Variants in FBXO40 observed in about 807,000 individuals in gnomAD.
FBXO40 encodes F-box only protein 40.
In FBXO40, 50 loss-of-function variants were observed where a neutral mutation model predicts 49.9. The observed-to-expected ratio is 1.00, with a 90% CI of 0.80 to 1.27. The LOEUF (loss-of-function observed/expected upper bound fraction) is 1.27. Ranked by LOEUF, FBXO40 falls within the 50% of genes most tolerant of loss-of-function variation. The pLI is 0.00. For missense variants in FBXO40, 895 were observed against 870.1 expected, an observed-to-expected ratio of 1.03 and a Z score of -0.36; for synonymous variants, 340 against 320.2, an observed-to-expected ratio of 1.06 and a Z score of -0.66.
At chr3:121,616,048 G>T (rs1485323129) in intron 1 of FBXO40, among the ~76,000 whole-genome samples, 1 of 152,092 alleles carries the variant, frequency 6.6e-6, no homozygotes, top group African/African-American at 2.4e-5. Flanking sequence ...TTTGGGGGTC[G>T]ATACAAACAT....
chr3:121,598,833 C>T (rs1447795839), intron 1 of FBXO40, among the ~76,000 whole-genome samples: 3 of 152,170 alleles, frequency 2.0e-5, no homozygotes, highest in African/African-American at 2.4e-5. Context: ...CACCTTTCTG[C>T]GTGGTCCACA....
chr3:121,610,117 G>C (rs1210761708), intron 1 of FBXO40, among the ~76,000 whole-genome samples: 1 of 152,176 alleles, frequency 6.6e-6, no homozygotes, highest in Non-Finnish European at 1.5e-5. Flanking sequence ...TTTACACCCA[G>C]GACACAGTGG....
chr3:121,627,219 G>T lies in FBXO40; in HGVS notation c.*309G>T. 2.9e-6 allele frequency: 1 copy of T among 347,392 alleles called. No individual in the cohort carries two copies. 21.5% of individuals were successfully genotyped at this position (347,392 alleles called of 1,614,324 possible). On this transcript the variant is annotated 3_prime_UTR_variant, in exon 4 of 4. Coordinates refer to ENST00000338040, the MANE Select transcript of FBXO40 (RefSeq NM_016298.4). ...GTAATTTGAGGCCATTTGGAAGATG[G>T]GCCCAATTTCTTAAGTGATGAGAGA...
chr3:121,626,578 C>T, intron 3 of FBXO40, 117 bp from the exon 4 acceptor site: 1 of 904,740 alleles, frequency 1.1e-6, no homozygotes, highest in Non-Finnish European at 1.8e-6. Flanking sequence ...AGCCACTAAA[C>T]ACTCTGGAGT....
At chr3:121,609,232 TA>T (rs1057007492) in intron 1 of FBXO40, among the ~76,000 whole-genome samples, 1 of 151,866 alleles carries the variant, frequency 6.6e-6, no homozygotes. Flanking sequence ...TAGTAAATAA[TA>T]AAAAAATTTA....
chr3:121,610,149 G>A (rs1051313809), intron 1 of FBXO40, among the ~76,000 whole-genome samples: 1 of 152,202 alleles, frequency 6.6e-6, no homozygotes, highest in Non-Finnish European at 1.5e-5. Flanking sequence ...GTGGCTCGGA[G>A]GCCCAGAATG....
intron 1 of FBXO40, among the ~76,000 whole-genome samples, chr3:121,612,322 C>G (rs933741797): frequency 1.3e-5 from 2 of 152,154 alleles, no homozygotes; most frequent in African/African-American, 4.8e-5. Flanking sequence ...AAGCTAGGCT[C>G]TTTGGGGAAC....
At chr3:121,618,306 G>A (rs2049009524) in intron 1 of FBXO40, among the ~76,000 whole-genome samples, 1 of 151,156 alleles carries the variant, frequency 6.6e-6, no homozygotes, top group Non-Finnish European at 1.5e-5. Flanking sequence ...ATTATTATAA[G>A]TCTTTATTCT....
chr3:121,622,163 A>C lies in FBXO40; in HGVS notation c.734A>C (p.Asp245Ala). ...AGCTGTGAGAGCAAGAACAAGAATG[A>C]CTCCGAGAAAGAACAGATTTCCAGT... is the stretch of plus-strand genomic sequence containing the variant. The part of the protein sequence containing the change: ...SASCESKNKN[D>A]SEKEQISSGH... Residue 245 changes from aspartate to alanine, a missense_variant, in exon 3 of 4, where the codon GAC becomes GCC. Asp to Ala is a moderately radical substitution (Grantham distance 126, BLOSUM62 -2). Coordinates refer to ENST00000338040, the MANE Select transcript of FBXO40 (RefSeq NM_016298.4). 1.2e-6 allele frequency: 2 copies of C among 1,614,050 alleles called. No individual in the cohort carries two copies. Among genetic ancestry groups the C allele is most frequent in the Non-Finnish European group, 1.7e-6 (2 of 1,179,996 alleles).
rs6789527 is a variant in FBXO40 at position 121,627,269 on chromosome 3, G to A, written c.*359G>A. On this transcript the variant is annotated 3_prime_UTR_variant, in exon 4 of 4. Coordinates refer to ENST00000338040, the MANE Select transcript of FBXO40 (RefSeq NM_016298.4). The stretch of plus-strand genomic sequence containing the variant: ...AGCACGAAATTCCATAACCAGTACA[G>A]GCCTGTGCTTTTACATGGGCTTTTT... 0.039 allele frequency: 8,672 copies of A among 219,700 alleles called. 658 individuals carry two copies. The highest frequency in any genetic ancestry group is 0.18 in the African/African-American group (7,722 of 44,038). 13.6% of individuals were successfully genotyped at this position (219,700 alleles called of 1,614,324 possible).
chr3:121,599,108 TA>T (rs1162886394), intron 1 of FBXO40, among the ~76,000 whole-genome samples: 1 of 152,122 alleles, frequency 6.6e-6, no homozygotes, highest in Non-Finnish European at 1.5e-5. Context: ...ACCATATATT[TA>T]ACTGTAGTTC....
chr3:121,607,869 C>T (rs1158945846), intron 1 of FBXO40, among the ~76,000 whole-genome samples: 3 of 152,094 alleles, frequency 2.0e-5, no homozygotes. Context: ...AAAAATTTTC[C>T]CATAAATAAA....
chr3:121,619,258 C>T (rs918946953), intron 1 of FBXO40, among the ~76,000 whole-genome samples: 2 of 152,156 alleles, frequency 1.3e-5, no homozygotes, highest in South Asian at 4.2e-4. Context: ...ATCAACCTAC[C>T]TCAGCCTCAC....
rs1313294836 is a variant in FBXO40 at position 121,627,619 on chromosome 3, G to C, written c.*709G>C. ...GCCTTGATAAATCGGGAGTCCAAAG[G>C]AGACACCATATTTATGGAGAACATT... On this transcript the variant is annotated 3_prime_UTR_variant, in exon 4 of 4. Coordinates refer to ENST00000338040, the MANE Select transcript of FBXO40 (RefSeq NM_016298.4). 1 of 382,236 alleles carries C rather than the reference G, an allele frequency of 2.6e-6. No individual in the cohort carries two copies. The highest frequency in any genetic ancestry group is 4.6e-6 in the Non-Finnish European group (1 of 216,456). The allele number at this position is 382,236 out of a possible 1,614,324, so 23.7% of individuals were successfully genotyped here.
At chr3:121,607,300 C>T (rs1424416594) in intron 1 of FBXO40, among the ~76,000 whole-genome samples, 11 of 60,124 alleles carry the variant, frequency 1.8e-4, no homozygotes, top group Non-Finnish European at 2.0e-4. Context: ...CTCTAAAGCT[C>T]TTTTTTTTTT....
rs1287376471 is a variant in FBXO40, at chr3:121,622,577, T to C, written c.1148T>C (p.Leu383Ser). 6.2e-7 allele frequency: 1 copy of C among 1,614,182 alleles called. No individual in the cohort carries two copies. The highest frequency in any genetic ancestry group is 8.5e-7 in the Non-Finnish European group (1 of 1,180,036). ...CACAAGGCAGTGGATACTTCAGATT[T>C]GGGGATCACTGTGGAGGACCTGCCC... Reference protein sequence around the residue: ...SEHKAVDTSDLGITVEDLPKS... With the variant: ...SEHKAVDTSDSGITVEDLPKS... The change falls in exon 3 of 4, where the codon TTG becomes TCG. Residue 383 changes from leucine (L) to serine (S), a missense_variant. By Grantham distance (145) the Leu-to-Ser change is moderately radical. Coordinates refer to ENST00000338040, the MANE Select transcript of FBXO40 (RefSeq NM_016298.4).
intron 1 of FBXO40, among the ~76,000 whole-genome samples, chr3:121,616,841 G>T (rs1397686144): frequency 6.6e-6 from 1 of 152,182 alleles, no homozygotes; most frequent in Non-Finnish European, 1.5e-5. Flanking sequence ...AAAAGACTTG[G>T]CAATCGAATG....
chr3:121,601,768 T>C (rs1270110398), intron 1 of FBXO40, among the ~76,000 whole-genome samples: 2 of 152,220 alleles, frequency 1.3e-5, no homozygotes, highest in East Asian at 1.9e-4. Context: ...TCACAGAGCA[T>C]TATTCCATTT....
chr3:121,605,750 G>A (rs2048929099), intron 1 of FBXO40, among the ~76,000 whole-genome samples: 1 of 152,158 alleles, frequency 6.6e-6, no homozygotes, highest in South Asian at 2.1e-4. Flanking sequence ...GTTATTAATT[G>A]GCCATTGGGT....
Sources: allele counts gnomAD v4.1 joint callset (sites outside exome capture counted in the v4.1 genomes callset), GRCh38; gene constraint gnomAD v4.1.1; transcripts MANE v1.5; gene names NCBI Gene and HGNC (gene_info 2026-07-23, HGNC 2026-07-21).